The following SPTBN1 variants were observed in gnomAD, a reference collection of about 807,000 sequenced individuals.
SPTBN1 encodes spectrin beta, non-erythrocytic 1.
In SPTBN1, 32 loss-of-function variants were observed where a neutral mutation model predicts 266.4. The observed-to-expected ratio is 0.12, with a 90% CI of 0.09 to 0.16. The LOEUF (loss-of-function observed/expected upper bound fraction) is 0.16, where lower values mean the gene tolerates loss of function less well. Among genes scored for constraint, SPTBN1 ranks in the 10% least tolerant of loss-of-function variants. The pLI is 1.00. For synonymous variants in SPTBN1, 1,336 were observed against 1,162.2 expected, an observed-to-expected ratio of 1.15 and a Z score of -3.04; for missense variants, 2,296 against 3,067.1, an observed-to-expected ratio of 0.75 and a Z score of 5.94.
chr2:54,575,474 T>C (rs1209344719), intron 2 of SPTBN1, among the ~76,000 whole-genome samples: 3 of 152,256 alleles, frequency 2.0e-5, no homozygotes, highest in African/African-American at 7.2e-5. Flanking sequence ...TGCATCTGCA[T>C]ATCTCGAAGG....
intron 29 of SPTBN1, among the ~76,000 whole-genome samples, chr2:54,656,574 A>C (rs1238577397): frequency 1.3e-5 from 2 of 152,200 alleles, no homozygotes; most frequent in Non-Finnish European, 2.9e-5. Flanking sequence ...AGCATTTCAT[A>C]ATTGGTATGA....
intron 2 of SPTBN1, among the ~76,000 whole-genome samples, chr2:54,549,055 C>T (rs1265113328): frequency 6.6e-6 from 1 of 152,124 alleles, no homozygotes; most frequent in Non-Finnish European, 1.5e-5. Flanking sequence ...AATCCCAGCA[C>T]TTTGGGAGGC....
At chr2:54,506,157 AAAT>A (rs1669543887) in intron 1 of SPTBN1, among the ~76,000 whole-genome samples, 2 of 150,580 alleles carry the variant, frequency 1.3e-5, no homozygotes, top group Non-Finnish European at 1.5e-5. Flanking sequence ...ATAAATAAAT[AAAT>A]AAAATCTGAA....
chr2:54,456,665 C>T (rs1020854671), intron 1 of SPTBN1, 147 bp downstream of exon 1: 3 of 151,052 alleles, frequency 2.0e-5, no homozygotes, highest in African/African-American at 7.3e-5. Flanking sequence ...CGGGGAGCCG[C>T]GTGGGGGCAG....
chr2:54,465,104 A>G (rs1436765535), intron 1 of SPTBN1, among the ~76,000 whole-genome samples: 1 of 152,252 alleles, frequency 6.6e-6, no homozygotes, highest in Non-Finnish European at 1.5e-5. Context: ...ATTAAGAAAT[A>G]GTTTTAAATC....
At chr2:54,590,486 C>T (rs1281531416) in intron 2 of SPTBN1, among the ~76,000 whole-genome samples, 2 of 152,190 alleles carry the variant, frequency 1.3e-5, no homozygotes, top group Admixed American at 6.5e-5. Context: ...AGGATTGAGC[C>T]TTTGCCTCTG....
At chr2:54,661,688 G>C (rs1361895608) in intron 32 of SPTBN1, 1 of 985,468 alleles carries the variant, frequency 1.0e-6, no homozygotes, top group Non-Finnish European at 1.2e-6. Context: ...GTGGCTCCAA[G>C]TTACATTTTG....
chr2:54,603,464 G>A lies in SPTBN1; in HGVS notation c.300+4221G>A, dbSNP rs73937503. 7.9e-3 allele frequency among the ~76,000 whole-genome samples: 1,197 copies of A among 152,254 alleles called. 22 individuals carry two copies. Among genetic ancestry groups the A allele is most frequent in the African/African-American group, 0.027 (1,135 of 41,540 alleles). ...TGCTTTACAGAAAACAGTTACCAGT[G>A]ACTTGCCAAGGCCAGTGCTGCTAGT... On this transcript the variant is annotated intron_variant, in intron 3 of 35. Transcript: ENST00000356805.
rs761021785 is a variant in SPTBN1 at position 54,624,795 on chromosome 2, T to C, written c.1183-9T>C. The C allele has an allele frequency of 8.1e-5, 130 of 1,613,926 alleles. No homozygotes were observed. The highest frequency in any genetic ancestry group is 1.6e-4 in the Middle Eastern group (1 of 6,076). On this transcript the variant is annotated splice_polypyrimidine_tract_variant and intron_variant, in intron 10 of 35. Coordinates refer to ENST00000356805, the MANE Select transcript of SPTBN1 (RefSeq NM_003128.3). ...GTGTTTGTGTGTGTGTGTATTTTCA[T>C]TTTTGTAGGCCTGGGAAAGACTGGA...
intron 2 of SPTBN1, among the ~76,000 whole-genome samples, chr2:54,530,352 A>AATTTTTTTTTTTTT (rs1558810829): frequency 1.6e-5 from 1 of 60,700 alleles, no homozygotes; most frequent in Non-Finnish European, 3.5e-5. Context: ...ATTGTAAAAA[A>AATTTTTTTTTTTTT]CTTTTTTTTT....
intron 1 of SPTBN1, among the ~76,000 whole-genome samples, chr2:54,480,668 T>C (rs954228741): frequency 2.6e-5 from 4 of 152,168 alleles, no homozygotes; most frequent in Admixed American, 6.5e-5. Context: ...TTGTCTACCC[T>C]CCATTGGAAT....
chr2:54,511,808 T>C (rs553332822), intron 1 of SPTBN1, among the ~76,000 whole-genome samples: 28 of 151,702 alleles, frequency 1.8e-4, no homozygotes, highest in African/African-American at 6.8e-4. Context: ...GAGGTGGAGG[T>C]TGCAGTGAGC....
chr2:54,637,697 G>C lies in SPTBN1; in HGVS notation c.3768-16G>C. ...ACTTCCTTTTTTAAAAATTATTTTT[G>C]TTACCATTCTAATAGACATAGGAAG... On this transcript the variant is annotated splice_polypyrimidine_tract_variant and intron_variant, in intron 17 of 35. Coordinates refer to ENST00000356805, the MANE Select transcript of SPTBN1 (RefSeq NM_003128.3). 1 of 1,591,078 alleles carries C rather than the reference G, an allele frequency of 6.3e-7. No homozygotes were observed. The highest frequency in any genetic ancestry group is 1.1e-5 in the South Asian group (1 of 88,078).
At chr2:54,495,784 AT>A (rs1314610546) in intron 1 of SPTBN1, among the ~76,000 whole-genome samples, 2 of 151,858 alleles carry the variant, frequency 1.3e-5, no homozygotes, top group South Asian at 2.1e-4. Context: ...ATGGTGATTT[AT>A]TTAACCAATA....
At chr2:54,565,029 G>C (rs1008295863) in intron 2 of SPTBN1, among the ~76,000 whole-genome samples, 3 of 152,140 alleles carry the variant, frequency 2.0e-5, no homozygotes, top group Non-Finnish European at 4.4e-5. Flanking sequence ...AGGTCCCCAG[G>C]TCAGCATCAG....
chr2:54,655,962 G>C lies in SPTBN1; in HGVS notation c.6010G>C (p.Asp2004His). 6.2e-7 allele frequency: 1 copy of C among 1,613,440 alleles called. No individual in the cohort carries two copies. The highest frequency in any genetic ancestry group is 8.5e-7 in the Non-Finnish European group (1 of 1,179,562). ...QLTEKRKEMI[D>H]KWEDRWEWLR... ...GACGGAAAAGAGGAAAGAAATGATC[G>C]ACAAGTGGGAAGACCGATGGGAATG... Residue 2004 changes from aspartate (D) to histidine (H), a missense_variant, in exon 29 of 36, where the codon GAC (aspartate) becomes CAC (histidine). Asp to His is a moderately conservative substitution (Grantham distance 81, BLOSUM62 -1). Transcript: ENST00000356805.
At chr2:54,621,218 C>G (rs994170270) in intron 7 of SPTBN1, among the ~76,000 whole-genome samples, 182 bp from the exon 8 acceptor site, 2 of 152,182 alleles carry the variant, frequency 1.3e-5, no homozygotes, top group Admixed American at 1.3e-4. Flanking sequence ...AATGGGGAAT[C>G]AGTGAGATGG....
chr2:54,642,513 A>T (rs1166677427), intron 18 of SPTBN1, among the ~76,000 whole-genome samples: 1 of 146,968 alleles, frequency 6.8e-6, no homozygotes, highest in Non-Finnish European at 1.5e-5. Context: ...AAAAAGGGGG[A>T]GGTAATAAAT....
At chr2:54,595,756 C>T (rs187039238) in intron 2 of SPTBN1, among the ~76,000 whole-genome samples, 6 of 152,216 alleles carry the variant, frequency 3.9e-5, no homozygotes, top group Admixed American at 1.3e-4. Flanking sequence ...AACCTAGCAC[C>T]GCTGATATTT....
Sources: gnomAD v4.1 joint callset for allele counts (sites outside exome capture counted in the v4.1 genomes callset) on GRCh38, gnomAD v4.1.1 for gene constraint, MANE v1.5 for transcripts, NCBI Gene and HGNC (gene_info 2026-07-23, HGNC 2026-07-21) for gene names.